Variants in PRSS23 observed in about 807,000 individuals in gnomAD.
PRSS23 encodes the protein serine protease 23, also known as protease, serine 23.
Under a neutral mutation model 34.7 loss-of-function variants are expected in PRSS23, and 25 were observed. That is an observed-to-expected ratio of 0.72 (90% CI 0.53 to 1.01). The LOEUF (loss-of-function observed/expected upper bound fraction) is 1.01, where lower values mean the gene tolerates loss of function less well. Among genes scored for constraint, PRSS23 ranks in the 50% least tolerant of loss-of-function variants. PRSS23 has a pLI of 0.00. For synonymous variants in PRSS23, 176 were observed against 186.6 expected (o/e 0.94, Z 0.46); for missense variants, 445 against 475.6 (o/e 0.94, Z 0.60).
intron 2 of PRSS23, among the ~76,000 whole-genome samples, chr11:86,845,261 G>T (rs1250194293): frequency 6.6e-6 from 1 of 152,092 alleles, no homozygotes; most frequent in Non-Finnish European, 1.5e-5. Flanking sequence ...AAACTCACTT[G>T]TTCCTCTCAC....
At chr11:86,811,902 A>T (rs1207195048), downstream of PRSS23, among the ~76,000 whole-genome samples, 3 of 152,138 alleles carry the variant, frequency 2.0e-5, no homozygotes, top group African/African-American at 7.2e-5. Flanking sequence ...AGGAATTCTG[A>T]CAGTGATCCC....
chr11:86,911,123 A>C (rs1469302274), intron 2 of PRSS23: 5 of 152,148 alleles, frequency 3.3e-5, no homozygotes, highest in African/African-American at 1.2e-4. Flanking sequence ...TCACGTCCTC[A>C]GTACCTGCCC....
chr11:86,934,883 G>A (rs1357720328), intron 2 of PRSS23: 1 of 152,244 alleles, frequency 6.6e-6, no homozygotes, highest in Non-Finnish European at 1.5e-5. Context: ...GCAAAGGCAA[G>A]TGGAGGGATT....
downstream of PRSS23, among the ~76,000 whole-genome samples, chr11:86,811,420 C>T (rs890178952): frequency 2.3e-4 from 35 of 151,982 alleles, no homozygotes; most frequent in Admixed American, 6.6e-5. Context: ...ATCTTCACAG[C>T]GTGAAATTAG....
intron 2 of PRSS23, among the ~76,000 whole-genome samples, chr11:86,880,121 T>G (rs1248382533): frequency 1.3e-5 from 2 of 152,194 alleles, no homozygotes; most frequent in Non-Finnish European, 1.5e-5. Context: ...TTCTGCCTTG[T>G]GATCCTGTTG....
At chr11:86,918,348 G>T (rs749010367) in intron 2 of PRSS23, among the ~76,000 whole-genome samples, 7 of 152,218 alleles carry the variant, frequency 4.6e-5, no homozygotes, top group Non-Finnish European at 1.0e-4. Flanking sequence ...ATTATTTGAA[G>T]ATTTTAAATC....
chr11:86,847,793 C>G lies in PRSS23; in HGVS notation c.206+24200C>G, dbSNP rs73526357. On this transcript the variant is annotated intron_variant, in intron 2 of 2. Transcript: ENST00000533902. Reference sequence around the variant, plus strand: ...TATTAATTATAACACCCTTCTACAACTAGCTCTTTTCTGTAAGCAGGAAGG... The same window carrying G: ...TATTAATTATAACACCCTTCTACAAGTAGCTCTTTTCTGTAAGCAGGAAGG... 9.3e-4 allele frequency among the ~76,000 whole-genome samples: 141 copies of G among 152,314 alleles called. 1 individual carries two copies. The highest frequency in any genetic ancestry group is 3.2e-3 in the African/African-American group (133 of 41,582).
intron 2 of PRSS23, among the ~76,000 whole-genome samples, chr11:86,943,847 G>A (rs1308159688): frequency 6.6e-6 from 1 of 151,592 alleles, no homozygotes; most frequent in Non-Finnish European, 1.5e-5. Context: ...AGGTTCAAGC[G>A]ATTCTCCCAT....
chr11:86,887,130 A>T (rs1267868948), intron 2 of PRSS23, among the ~76,000 whole-genome samples: 2 of 152,184 alleles, frequency 1.3e-5, no homozygotes, highest in African/African-American at 4.8e-5. Context: ...AGCAGAACTC[A>T]AGGTAGATAT....
Position 86,894,687 on chromosome 11 carries a change from G to A in PRSS23, c.207-56529G>A, listed in dbSNP as rs1000227263. Among the ~76,000 whole-genome samples the A allele has an allele frequency of 1.3e-4, 20 of 152,140 alleles. No homozygotes were observed. The East Asian group carries it at 1.7e-3, about 13-fold the overall frequency. On this transcript the variant is annotated intron_variant, in intron 2 of 2. Coordinates refer to the PRSS23 transcript ENST00000533902. ...GCTGAAGAAAGGACTAACCTTTACC[G>A]GTCGTTGTCTTTATCTTCAAAGCTC...
chr11:86,896,266 AC>A, intron 2 of PRSS23: 1 of 152,002 alleles, frequency 6.6e-6, no homozygotes, highest in Non-Finnish European at 1.5e-5. Flanking sequence ...GCTCATTCCT[AC>A]CAGTTTGGAG....
intron 2 of PRSS23, among the ~76,000 whole-genome samples, chr11:86,865,020 A>G (rs1401372430): frequency 6.6e-6 from 1 of 152,342 alleles, no homozygotes; most frequent in South Asian, 2.1e-4. Context: ...CCACATCTAC[A>G]AAGTTCCTTT....
At chr11:86,947,441 A>G (rs1312724197) in intron 2 of PRSS23, 2 of 152,296 alleles carry the variant, frequency 1.3e-5, no homozygotes, top group Non-Finnish European at 2.9e-5. Context: ...TTCAGTGACC[A>G]TGAGGATGAG....
chr11:86,815,600 A>C (rs1948209866), downstream of PRSS23, among the ~76,000 whole-genome samples: 1 of 152,170 alleles, frequency 6.6e-6, no homozygotes, highest in Non-Finnish European at 1.5e-5. Flanking sequence ...CATGTGTTAC[A>C]TTGCTGTTGT....
chr11:86,939,424 A>ATTTTTTTTT (rs1346009599), intron 2 of PRSS23, among the ~76,000 whole-genome samples: 7 of 83,994 alleles, frequency 8.3e-5, no homozygotes, highest in East Asian at 3.9e-4. Context: ...ATATATATAT[A>ATTTTTTTTT]TATTTTTTAA....
chr11:86,926,325 T>C (rs1949081500), intron 2 of PRSS23, among the ~76,000 whole-genome samples: 1 of 152,016 alleles, frequency 6.6e-6, no homozygotes. Flanking sequence ...ATCGCACCAC[T>C]GCACTCCAGA....
At chr11:86,825,431 T>G (rs1311821237) in intron 2 of PRSS23, among the ~76,000 whole-genome samples, 12 of 152,150 alleles carry the variant, frequency 7.9e-5, no homozygotes, top group East Asian at 1.9e-4. Flanking sequence ...TTTGTAGGTT[T>G]CCTGTTCACT....
intron 2 of PRSS23, among the ~76,000 whole-genome samples, chr11:86,852,491 T>C (rs533577834): frequency 6.6e-6 from 1 of 152,330 alleles, no homozygotes; most frequent in South Asian, 2.1e-4. Context: ...CTTCTTTCTT[T>C]TCTTCTTAAA....
chr11:86,816,504 G>A (rs1013279968), intron 1 of PRSS23, among the ~76,000 whole-genome samples: 1 of 152,146 alleles, frequency 6.6e-6, no homozygotes, highest in African/African-American at 2.4e-5. Context: ...AAGTCTTTGA[G>A]TTACCGTCCT....
Sources: allele counts gnomAD v4.1 joint callset (sites outside exome capture counted in the v4.1 genomes callset), GRCh38; gene constraint gnomAD v4.1.1; transcripts MANE v1.5; gene names NCBI Gene and HGNC (gene_info 2026-07-23, HGNC 2026-07-21).